SLC16A7: variants seen among roughly 807,000 people sequenced by gnomAD.
SLC16A7 encodes monocarboxylate transporter 2.
A neutral mutation model predicts 34.9 loss-of-function variants in SLC16A7; 33 were observed. The observed-to-expected ratio is 0.94, with a 90% CI of 0.72 to 1.26. The LOEUF (loss-of-function observed/expected upper bound fraction) is 1.26, where lower values mean the gene tolerates loss of function less well. Ranked by LOEUF, SLC16A7 falls within the 50% of genes most tolerant of loss-of-function variation. SLC16A7 has a pLI of 0.00. For synonymous variants in SLC16A7, 201 were observed against 206.6 expected, an observed-to-expected ratio of 0.97 and a Z score of 0.23; for missense variants, 573 against 578.1, an observed-to-expected ratio of 0.99 and a Z score of 0.09.
chr12:59,715,814 G>A (rs1025126173), intron 3 of SLC16A7, among the ~76,000 whole-genome samples: 10 of 151,994 alleles, frequency 6.6e-5, no homozygotes, highest in Non-Finnish European at 8.8e-5. Flanking sequence ...TGAAATTACC[G>A]CATTTCTTAT....
chr12:59,774,467 G>C (rs539782254), intron 4 of SLC16A7, among the ~76,000 whole-genome samples, 190 bp from the exon 5 acceptor site: 11 of 152,074 alleles, frequency 7.2e-5, no homozygotes, highest in African/African-American at 2.7e-4. Context: ...TGAAACTGTC[G>C]TTTCAAGTGT....
At chr12:59,764,586 G>C (rs1881382855) in intron 3 of SLC16A7, among the ~76,000 whole-genome samples, 1 of 150,280 alleles carries the variant, frequency 6.7e-6, no homozygotes, top group Admixed American at 6.7e-5. Context: ...CGTGGTGTTT[G>C]GTTTTTTGTC....
At chr12:59,756,577 G>A (rs368159303) in intron 3 of SLC16A7, among the ~76,000 whole-genome samples, 1 of 151,910 alleles carries the variant, frequency 6.6e-6, no homozygotes, top group African/African-American at 2.4e-5. Context: ...ACACCAGTTA[G>A]AATGGCTATC....
intron 1 of SLC16A7, among the ~76,000 whole-genome samples, chr12:59,634,324 GAA>G (rs528060686): frequency 6.6e-6 from 1 of 151,818 alleles, no homozygotes; most frequent in African/African-American, 2.4e-5. Flanking sequence ...TTTTGTTAAA[GAA>G]AAAAAATTAT....
intron 3 of SLC16A7, among the ~76,000 whole-genome samples, chr12:59,739,279 T>G (rs980156066): frequency 7.2e-6 from 1 of 139,462 alleles, no homozygotes; most frequent in Non-Finnish European, 1.5e-5. Flanking sequence ...CACCTATGAG[T>G]GAGAATATGC....
At chr12:59,770,187 C>A (rs1227724168) in intron 3 of SLC16A7, among the ~76,000 whole-genome samples, 2 of 152,050 alleles carry the variant, frequency 1.3e-5, no homozygotes, top group Admixed American at 1.3e-4. Context: ...TATGTATATA[C>A]ACACACAGAC....
Position 59,622,161 on chromosome 12 carries a change from A to G in SLC16A7, c.-130+25925A>G, listed in dbSNP as rs528099174. Among the ~76,000 whole-genome samples the G allele has an allele frequency of 2.0e-5, 3 of 152,016 alleles. No individual in the cohort carries two copies. In the South Asian group the frequency reaches 6.2e-4, roughly 31 times the overall value. On this transcript the variant is annotated intron_variant, in intron 1 of 5. Coordinates refer to ENST00000547379, the MANE Select transcript of SLC16A7 (RefSeq NM_001270623.2). The stretch of plus-strand genomic sequence containing the variant: ...ACTATCTTTTAATGAAGGATAAGCT[A>G]ACATTAGAAGTATCTATTTAATAAC...
chr12:59,605,852 G>T (rs1878913181), intron 1 of SLC16A7, among the ~76,000 whole-genome samples: 1 of 152,094 alleles, frequency 6.6e-6, no homozygotes, highest in African/African-American at 2.4e-5. Context: ...GATAGATATA[G>T]CCCAATGAAA....
intron 3 of SLC16A7, among the ~76,000 whole-genome samples, chr12:59,738,044 T>C (rs1159238241): frequency 6.6e-6 from 1 of 152,196 alleles, no homozygotes; most frequent in Non-Finnish European, 1.5e-5. Flanking sequence ...AATTATATCC[T>C]TAAAGATCTC....
chr12:59,652,209 T>G (rs1015063871), intron 1 of SLC16A7, among the ~76,000 whole-genome samples: 3 of 152,084 alleles, frequency 2.0e-5, no homozygotes, highest in Non-Finnish European at 4.4e-5. Context: ...AAATTACATA[T>G]GTCAGCTGAC....
rs115970174 is a variant in SLC16A7 at position 59,697,879 on chromosome 12, T to G, written c.-30-6893T>G. Among the ~76,000 whole-genome samples, 888 of 151,964 alleles carry G rather than the reference T, an allele frequency of 5.8e-3. 8 individuals carry two copies. The highest frequency in any genetic ancestry group is 0.02 in the African/African-American group (817 of 41,552). On this transcript the variant is annotated intron_variant, in intron 2 of 5. Transcript: ENST00000547379. ...GGTGAAATGTTTTCTTTTTCCAATT[T>G]CAAATATTTATAGCTATTTATTGAT...
chr12:59,671,314 T>C (rs1869664779), intron 2 of SLC16A7, among the ~76,000 whole-genome samples: 1 of 152,196 alleles, frequency 6.6e-6, no homozygotes, highest in South Asian at 2.1e-4. Flanking sequence ...TTAGCTCATT[T>C]ATTTTAATTT....
chr12:59,636,024 G>A (rs1203356079), intron 1 of SLC16A7, among the ~76,000 whole-genome samples: 1 of 147,020 alleles, frequency 6.8e-6, no homozygotes, highest in Non-Finnish European at 1.5e-5. Context: ...AAAAAACTGT[G>A]TAGGGTATGC....
intron 3 of SLC16A7, among the ~76,000 whole-genome samples, chr12:59,767,781 A>G (rs1242580721): frequency 6.6e-6 from 1 of 152,110 alleles, no homozygotes. Context: ...TACAACATTC[A>G]TTCTGCAGCT....
At chr12:59,666,339 C>T (rs7971756) in intron 2 of SLC16A7, among the ~76,000 whole-genome samples, 29,367 of 152,056 alleles carry the variant, frequency 0.19, 3,022 homozygotes, top group Non-Finnish European at 0.21. Flanking sequence ...AATTTATGCT[C>T]GGCATTGCTA....
intron 2 of SLC16A7, among the ~76,000 whole-genome samples, chr12:59,684,689 C>A (rs1565647612): frequency 6.6e-6 from 1 of 152,062 alleles, no homozygotes; most frequent in Non-Finnish European, 1.5e-5. Flanking sequence ...GCAGGGAAAT[C>A]TCTAGTCTAG....
chr12:59,713,684 C>G (rs974479570), intron 3 of SLC16A7, among the ~76,000 whole-genome samples: 1 of 152,186 alleles, frequency 6.6e-6, no homozygotes, highest in South Asian at 2.1e-4. Flanking sequence ...TAGATTTGAC[C>G]CTAAGGGGAC....
intron 1 of SLC16A7, among the ~76,000 whole-genome samples, chr12:59,618,278 T>C (rs1014347036): frequency 6.6e-6 from 1 of 151,970 alleles, no homozygotes; most frequent in Non-Finnish European, 1.5e-5. Flanking sequence ...ACATACCACG[T>C]ACTTAAACAT....
At chr12:59,675,547 G>A (rs76059341) in intron 2 of SLC16A7, among the ~76,000 whole-genome samples, 10,832 of 152,202 alleles carry the variant, frequency 0.071, 432 homozygotes, top group Middle Eastern at 0.17. Flanking sequence ...ATGGCAGCCA[G>A]TGCAGACTAG....
Sources: gnomAD v4.1 joint callset for allele counts (sites outside exome capture counted in the v4.1 genomes callset) on GRCh38, gnomAD v4.1.1 for gene constraint, MANE v1.5 for transcripts, NCBI Gene and HGNC (gene_info 2026-07-23, HGNC 2026-07-21) for gene names.